SCN11A: variants seen among roughly 807,000 people sequenced by gnomAD.
SCN11A encodes sodium voltage-gated channel alpha subunit 11, also known as sodium channel protein type 11 subunit alpha.
In SCN11A, 122 loss-of-function variants were observed where a neutral mutation model predicts 162.2. The ratio of observed to expected loss-of-function variants is 0.75; its 90% confidence interval spans 0.65 to 0.87. SCN11A has a LOEUF of 0.87. SCN11A is among the 40% of genes least tolerant of loss of function. SCN11A has a pLI of 0.00. For missense variants in SCN11A, 2,015 were observed against 2,181.6 expected (o/e 0.92, Z 1.52); for synonymous variants, 758 against 751.5 (o/e 1.01, Z -0.14).
At chr3:39,019,470 C>T (rs764348901) in intron 2 of SCN11A, among the ~76,000 whole-genome samples, 5 of 152,168 alleles carry the variant, frequency 3.3e-5, no homozygotes, top group African/African-American at 7.2e-5. Flanking sequence ...GTGACGTGGC[C>T]GGCCTCACAT....
At chr3:38,997,170 C>T (rs966064836) in intron 2 of SCN11A, among the ~76,000 whole-genome samples, 2 of 152,186 alleles carry the variant, frequency 1.3e-5, no homozygotes, top group Non-Finnish European at 2.9e-5. Context: ...TTCACAGTGA[C>T]CTCAATGACC....
In SCN11A at chr3:38,896,966, A is replaced by T. The variant is rs766457059; in HGVS notation, c.2282T>A (p.Val761Glu). The change falls in exon 18 of 30, where the codon GTA (valine) becomes GAA (glutamate). Residue 761 changes from valine (V) to glutamate (E), a missense_variant. Transcript: ENST00000302328. ...MGDFWHSFLV[V>E]FRILCGEWIE... Reference sequence around the variant, plus strand: ...CCATTCCCCGCAGAGGATGCGGAATACCACTAGGAAGGAGTGCCAGAAATC... The same window carrying T: ...CCATTCCCCGCAGAGGATGCGGAATTCCACTAGGAAGGAGTGCCAGAAATC... 3.1e-6 allele frequency: 5 copies of T among 1,614,042 alleles called. No homozygotes were observed. In the African/African-American group the frequency reaches 6.7e-5, roughly 22 times the overall value.
chr3:38,909,132 G>A lies in SCN11A; in HGVS notation c.1164C>T (p.Ser388=). 6.2e-7 allele frequency: 1 copy of A among 1,614,146 alleles called. No homozygotes were observed. The highest frequency in any genetic ancestry group is 8.5e-7 in the Non-Finnish European group (1 of 1,180,004). Residue 388 remains serine (S), a synonymous_variant, in exon 13 of 30, where the codon TCC becomes TCT. Transcript: ENST00000302328. ...FFFIVVIFLG[S]FYLINLTLAV... ...CCAGGGTTAAGTTAATCAGGTAGAA[G>A]GAGCCCAGGAAAATGACCACAATGA...
In SCN11A at chr3:38,921,226, G is replaced by T; in HGVS notation, c.742C>A (p.Arg248Ser). ...ACGTTGACCAGCTTCTTCACAGAGC[G>T]TAGCAAGGCCCCCACGATGACCTTC... is the stretch of plus-strand genomic sequence containing the variant. The part of the protein sequence containing the change: ...RLKVIVGALL[R>S]SVKKLVNVII... Residue 248 changes from arginine to serine, a missense_variant, in exon 10 of 30, where the codon CGC becomes AGC. Coordinates refer to ENST00000302328, the MANE Select transcript of SCN11A (RefSeq NM_001349253.2). 6.2e-7 allele frequency: 1 copy of T among 1,614,030 alleles called. No homozygotes were observed.
intron 28 of SCN11A, among the ~76,000 whole-genome samples, chr3:38,862,669 C>G (rs1341233724): frequency 4.6e-5 from 7 of 152,070 alleles, no homozygotes; most frequent in Non-Finnish European, 1.0e-4. Context: ...TATGTTCTCA[C>G]TTATAAGTAG....
chr3:38,937,024 A>C (rs1437821377), intron 7 of SCN11A, among the ~76,000 whole-genome samples: 1 of 152,280 alleles, frequency 6.6e-6, no homozygotes, highest in Admixed American at 6.5e-5. Context: ...CAAAACAGAG[A>C]TATAGATCAA....
At chr3:38,927,297 G>A (rs555742334) in intron 7 of SCN11A, among the ~76,000 whole-genome samples, 1 of 152,180 alleles carries the variant, frequency 6.6e-6, no homozygotes, top group Non-Finnish European at 1.5e-5. Context: ...GAACAATGAA[G>A]AGAGTAAATG....
chr3:39,017,419 T>G (rs929361792), intron 2 of SCN11A, among the ~76,000 whole-genome samples: 18 of 152,374 alleles, frequency 1.2e-4, no homozygotes, highest in African/African-American at 4.1e-4. Flanking sequence ...ATCCTCATCC[T>G]TGCTTTTCTG....
At chr3:39,050,090 C>T (rs1452924685) in intron 1 of SCN11A, among the ~76,000 whole-genome samples, 1 of 152,168 alleles carries the variant, frequency 6.6e-6, no homozygotes, top group Non-Finnish European at 1.5e-5. Context: ...AAAATACAGA[C>T]ATATTATTTC....
At chr3:38,971,488 A>G (rs1053431598) in intron 2 of SCN11A, among the ~76,000 whole-genome samples, 1 of 152,060 alleles carries the variant, frequency 6.6e-6, no homozygotes, top group Non-Finnish European at 1.5e-5. Context: ...CTCTGTCCTC[A>G]TCTCCCCCGC....
At chr3:38,889,028 A>C (rs2065449370) in intron 19 of SCN11A, among the ~76,000 whole-genome samples, 1 of 152,214 alleles carries the variant, frequency 6.6e-6, no homozygotes, top group African/African-American at 2.4e-5. Flanking sequence ...ATTGAAAAAA[A>C]AGATATTGAG....
chr3:38,985,382 G>A (rs972648868), intron 2 of SCN11A, among the ~76,000 whole-genome samples: 3 of 150,396 alleles, frequency 2.0e-5, no homozygotes, highest in Non-Finnish European at 2.9e-5. Flanking sequence ...CACCCATCTC[G>A]GCCTCCCAAA....
At chr3:38,870,884 T>C in intron 25 of SCN11A, 140 bp from the exon 26 acceptor site, 1 of 648,322 alleles carries the variant, frequency 1.5e-6, no homozygotes, top group Non-Finnish European at 2.7e-6. Context: ...GATGCTCAAA[T>C]AAAAGAACAG....
At position 38,872,276 on chromosome 3, in the gene SCN11A, T is replaced by G. The variant is rs749719157; in HGVS notation, c.3412A>C (p.Ile1138Leu). 1 of 1,604,674 alleles carries G rather than the reference T, an allele frequency of 6.2e-7. No individual in the cohort carries two copies. The highest frequency in any genetic ancestry group is 1.7e-5 in the Admixed American group (1 of 59,934). The change falls in exon 24 of 30, where the codon ATT becomes CTT. Residue 1138 changes from isoleucine (I) to leucine (L), a missense_variant. By Grantham distance (5) the Ile-to-Leu change is conservative. Coordinates refer to ENST00000302328, the MANE Select transcript of SCN11A (RefSeq NM_001349253.2). ...AAGGACTTCAATTCCATTAAGTTAATGAGGGTGGTCACAGAGACCTGATGG... is the reference window on the plus strand; with the variant it reads ...AAGGACTTCAATTCCATTAAGTTAAGGAGGGTGGTCACAGAGACCTGATGG... ...IIVIVSVTTL[I>L]NLMELKSFRT...
At chr3:38,912,766 A>G (rs2065903385) in intron 11 of SCN11A, among the ~76,000 whole-genome samples, 1 of 152,188 alleles carries the variant, frequency 6.6e-6, no homozygotes, top group South Asian at 2.1e-4. Flanking sequence ...TGCTAAGGCT[A>G]ATGGCCTCTA....
chr3:38,940,218 T>A (rs1424505976), intron 7 of SCN11A, among the ~76,000 whole-genome samples: 1 of 152,038 alleles, frequency 6.6e-6, no homozygotes, highest in Non-Finnish European at 1.5e-5. Context: ...TTAAAGCAAT[T>A]AGAGGAACAC....
chr3:38,898,221 G>A (rs1344690748), intron 17 of SCN11A, among the ~76,000 whole-genome samples: 3 of 152,216 alleles, frequency 2.0e-5, no homozygotes, highest in Non-Finnish European at 4.4e-5. Flanking sequence ...CTGGGCAACA[G>A]AGCCAAACTC....
chr3:38,935,936 A>G (rs1198759057), intron 7 of SCN11A, among the ~76,000 whole-genome samples: 2 of 152,242 alleles, frequency 1.3e-5, no homozygotes, highest in Admixed American at 6.5e-5. Flanking sequence ...TTTTAGACCA[A>G]TATCTTTGAT....
intron 2 of SCN11A, among the ~76,000 whole-genome samples, chr3:38,999,080 AT>A (rs1203253553): frequency 1.3e-5 from 2 of 152,214 alleles, no homozygotes; most frequent in African/African-American, 4.8e-5. Context: ...AAAAAAGCCT[AT>A]TTAAGGATAA....
Sources: gnomAD v4.1 joint callset for allele counts (sites outside exome capture counted in the v4.1 genomes callset) on GRCh38, gnomAD v4.1.1 for gene constraint, MANE v1.5 for transcripts, NCBI Gene and HGNC (gene_info 2026-07-23, HGNC 2026-07-21) for gene names.